Variants in LNX1 observed in about 807,000 individuals in gnomAD.
LNX1 encodes the protein E3 ubiquitin-protein ligase LNX.
In LNX1, 54 loss-of-function variants were observed where a neutral mutation model predicts 68.4. The ratio of observed to expected loss-of-function variants is 0.79; its 90% CI spans 0.63 to 0.99. The LOEUF (loss-of-function observed/expected upper bound fraction) is 0.99. Among genes scored for constraint, LNX1 ranks in the 50% least tolerant of loss-of-function variants. The pLI is 0.00. For synonymous variants in LNX1, 336 were observed against 350.0 expected, an observed-to-expected ratio of 0.96 and a Z score of 0.45; for missense variants, 906 against 926.4, an observed-to-expected ratio of 0.98 and a Z score of 0.29.
At chr4:53,480,765 T>C (rs1467975052) in intron 7 of LNX1, among the ~76,000 whole-genome samples, 2 of 152,176 alleles carry the variant, frequency 1.3e-5, no homozygotes, top group Non-Finnish European at 2.9e-5. Flanking sequence ...AATTTGAATA[T>C]TGTTTCTCTA....
At chr4:53,470,980 G>GA (rs1422396042) in intron 9 of LNX1, among the ~76,000 whole-genome samples, 2 of 149,028 alleles carry the variant, frequency 1.3e-5, no homozygotes, top group African/African-American at 5.0e-5. Flanking sequence ...CACAGAATTG[G>GA]AAAAAACTAC....
chr4:53,498,801 G>C lies in LNX1; in HGVS notation c.818C>G (p.Thr273Ser). 6.2e-7 allele frequency: 1 copy of C among 1,614,052 alleles called. No individual in the cohort carries two copies. The highest frequency in any genetic ancestry group is 8.5e-7 in the Non-Finnish European group (1 of 1,179,994). Residue 273 changes from threonine to serine, a missense_variant, in exon 5 of 11, where the codon ACC (threonine) becomes AGC (serine). Transcript: ENST00000263925. The part of the protein sequence containing the change: ...LYHLIPDGEI[T>S]SIKINRVDPS... ...ATCTACTCGATTGATCTTGATGCTG[G>C]TAATTTCACCATCTGGAATCAGGTG... is the stretch of plus-strand genomic sequence containing the variant.
upstream of LNX1, among the ~76,000 whole-genome samples, chr4:53,595,271 A>G (rs1732698375): frequency 6.6e-6 from 1 of 152,172 alleles, no homozygotes; most frequent in African/African-American, 2.4e-5. Flanking sequence ...ATACGAGACA[A>G]TGAAATACCC....
At chr4:53,557,770 G>A (rs929634394) in intron 2 of LNX1, 12 of 1,249,962 alleles carry the variant, frequency 9.6e-6, no homozygotes, top group Non-Finnish European at 1.3e-5. Flanking sequence ...CATCTAGTAT[G>A]TGTGGAATTT....
intron 2 of LNX1, among the ~76,000 whole-genome samples, chr4:53,559,872 G>A (rs1172301303): frequency 6.6e-6 from 1 of 151,870 alleles, no homozygotes; most frequent in Non-Finnish European, 1.5e-5. Context: ...ATGTTGCCCA[G>A]GCTGGTCTTG....
At chr4:53,593,906 G>T (rs565948240), upstream of LNX1, 3 of 152,000 alleles carry the variant, frequency 2.0e-5, no homozygotes, top group Non-Finnish European at 4.4e-5. Context: ...ATCGGCAAGC[G>T]GCAGAGCAGT....
intron 2 of LNX1, among the ~76,000 whole-genome samples, chr4:53,538,573 G>A (rs1267585969): frequency 6.6e-6 from 1 of 152,212 alleles, no homozygotes; most frequent in Non-Finnish European, 1.5e-5. Flanking sequence ...AAAAGTCAGA[G>A]TCAATCCACT....
At chr4:53,510,346 TAGTC>T (rs1726237509) in intron 2 of LNX1, among the ~76,000 whole-genome samples, 2 of 152,212 alleles carry the variant, frequency 1.3e-5, no homozygotes, top group African/African-American at 4.8e-5. Context: ...ATACCTCTCA[TAGTC>T]AGTGGCATCT....
upstream of LNX1, among the ~76,000 whole-genome samples, chr4:53,595,349 G>A (rs938191386): frequency 2.4e-4 from 36 of 152,152 alleles, no homozygotes; most frequent in African/African-American, 8.0e-4. Flanking sequence ...AAAGAGCCTC[G>A]GGAACCTCAA....
intron 7 of LNX1, 83 bp from the exon 8 acceptor site, chr4:53,478,825 C>A: frequency 7.3e-7 from 1 of 1,368,454 alleles, no homozygotes; most frequent in Non-Finnish European, 1.0e-6. Flanking sequence ...AGTGGGTTTC[C>A]ATTTTCTAAA....
At chr4:53,470,445 T>A (rs1723073828) in intron 9 of LNX1, among the ~76,000 whole-genome samples, 2 of 152,136 alleles carry the variant, frequency 1.3e-5, no homozygotes, top group South Asian at 4.1e-4. Flanking sequence ...AGGGATGCCC[T>A]CTCTCACCAC....
intron 6 of LNX1, among the ~76,000 whole-genome samples, chr4:53,494,878 T>C (rs1274795606): frequency 6.6e-6 from 1 of 152,220 alleles, no homozygotes; most frequent in Non-Finnish European, 1.5e-5. Flanking sequence ...CAGAACATTA[T>C]ACCGGGTGAA....
At chr4:53,513,184 C>T (rs1037746562) in intron 2 of LNX1, among the ~76,000 whole-genome samples, 7 of 152,072 alleles carry the variant, frequency 4.6e-5, no homozygotes, top group South Asian at 2.1e-4. Context: ...TTATCGATCA[C>T]GGTCTCTTGC....
intron 2 of LNX1, among the ~76,000 whole-genome samples, chr4:53,570,664 T>TAAGAAATA (rs367852101): frequency 7.0e-6 from 1 of 143,688 alleles, no homozygotes; most frequent in East Asian, 2.0e-4. Flanking sequence ...TAAAGTATAA[T>TAAGAAATA]AATAAATAAA....
At chr4:53,599,894 C>T (rs7699951) in intron 2 of LNX1, among the ~76,000 whole-genome samples, 4,146 of 152,282 alleles carry the variant, frequency 0.027, 277 homozygotes, top group Admixed American at 0.16. Context: ...GTCTCAGTTT[C>T]GTGCCCACAG....
chr4:53,511,771 A>G (rs975989145), intron 2 of LNX1, among the ~76,000 whole-genome samples: 2 of 152,116 alleles, frequency 1.3e-5, no homozygotes, highest in Admixed American at 6.6e-5. Flanking sequence ...ACAGGAGGGA[A>G]CTCAGATGTG....
intron 2 of LNX1, among the ~76,000 whole-genome samples, chr4:53,527,624 C>T (rs1727715447): frequency 6.6e-6 from 1 of 152,222 alleles, no homozygotes; most frequent in Non-Finnish European, 1.5e-5. Context: ...TCCAGTGTCT[C>T]TCTTTACATT....
At chr4:53,554,569 C>G (rs1163278223) in intron 2 of LNX1, among the ~76,000 whole-genome samples, 2 of 152,178 alleles carry the variant, frequency 1.3e-5, no homozygotes, top group East Asian at 3.9e-4. Flanking sequence ...TAAAATAATT[C>G]CTGGCTGGGC....
chr4:53,615,883 G>A (rs1275476074), intron 2 of LNX1, among the ~76,000 whole-genome samples: 1 of 152,092 alleles, frequency 6.6e-6, no homozygotes, highest in Admixed American at 6.5e-5. Context: ...ATCCCCTCAA[G>A]CATTTATCCT....
Sources: gnomAD v4.1 joint callset for allele counts (sites outside exome capture counted in the v4.1 genomes callset) on GRCh38, gnomAD v4.1.1 for gene constraint, MANE v1.5 for transcripts, NCBI Gene and HGNC (gene_info 2026-07-23, HGNC 2026-07-21) for gene names.